The following CALN1 variants were observed in gnomAD, a reference collection of about 807,000 sequenced individuals.
The protein encoded by CALN1 is calneuron 1.
A neutral mutation model predicts 30.6 loss-of-function variants in CALN1; 17 were observed. That is an observed-to-expected ratio of 0.56 (90% CI 0.38 to 0.83). The LOEUF (loss-of-function observed/expected upper bound fraction) is 0.83, where lower values mean the gene tolerates loss of function less well. Among genes scored for constraint, CALN1 ranks in the 40% least tolerant of loss-of-function variants. CALN1 has a pLI of 0.00. For synonymous variants in CALN1, 156 were observed against 131.4 expected (o/e 1.19, Z -1.28); for missense variants, 291 against 354.9 (o/e 0.82, Z 1.45).
intron 3 of CALN1, among the ~76,000 whole-genome samples, chr7:72,210,853 C>T (rs1281943070): frequency 6.6e-6 from 1 of 151,508 alleles, no homozygotes. Flanking sequence ...GAGTTCAAGA[C>T]CAGCCTGGGA....
At position 72,140,278 on chromosome 7, in the gene CALN1, G is replaced by C. The variant is rs62462823; in HGVS notation, c.245-33984C>G. On this transcript the variant is annotated intron_variant, in intron 3 of 6. Transcript: ENST00000395275. ...AGAGTGAGACCTTGTCTCAAAATAA[G>C]AGAGAGAGAGAGAGAGAGAGAGAGA... Among the ~76,000 whole-genome samples the C allele has an allele frequency of 8.0e-3, 217 of 27,054 alleles. 1 individual carries two copies. The highest frequency in any genetic ancestry group is 0.038 in the African/African-American group (206 of 5,450). The allele number at this position is 27,054 out of a possible 152,430, so 17.7% of individuals were successfully genotyped here.
chr7:72,341,766 G>A (rs1282187711), intron 2 of CALN1, among the ~76,000 whole-genome samples: 2 of 152,174 alleles, frequency 1.3e-5, no homozygotes, highest in Non-Finnish European at 2.9e-5. Flanking sequence ...AAGGCTTTGA[G>A]AAAATTAAAT....
chr7:72,155,808 G>C (rs1401966387), intron 3 of CALN1, among the ~76,000 whole-genome samples: 4 of 152,144 alleles, frequency 2.6e-5, no homozygotes, highest in South Asian at 2.1e-4. Context: ...CTCAAAGCAA[G>C]GTGGTAGCTG....
chr7:71,963,272 C>T (rs1797345634), intron 5 of CALN1, among the ~76,000 whole-genome samples: 1 of 152,160 alleles, frequency 6.6e-6, no homozygotes, highest in Non-Finnish European at 1.5e-5. Flanking sequence ...AAGCGATTCT[C>T]CTGCCTCAGC....
At chr7:72,268,898 A>G (rs1480456538) in intron 3 of CALN1, among the ~76,000 whole-genome samples, 2 of 152,144 alleles carry the variant, frequency 1.3e-5, no homozygotes, top group African/African-American at 2.4e-5. Context: ...ACCATGTGCC[A>G]TAAGCCAGGC....
chr7:72,051,078 T>A (rs1802807189), intron 4 of CALN1, among the ~76,000 whole-genome samples: 1 of 151,640 alleles, frequency 6.6e-6, no homozygotes, highest in African/African-American at 2.4e-5. Context: ...AAAACATTTT[T>A]AAAACTTTAG....
At chr7:71,946,367 C>CT (rs34207419) in intron 5 of CALN1, among the ~76,000 whole-genome samples, 23,455 of 128,636 alleles carry the variant, frequency 0.18, 2,255 homozygotes, top group Middle Eastern at 0.22. Flanking sequence ...TTCTTTCTTT[C>CT]TTTTTTTTTT....
intron 2 of CALN1, among the ~76,000 whole-genome samples, chr7:72,368,099 C>T (rs1416103198): frequency 2.0e-5 from 3 of 151,654 alleles, no homozygotes; most frequent in Admixed American, 6.6e-5. Context: ...CCAGCATGGG[C>T]GACAAAGCGA....
At chr7:71,863,487 G>A (rs1290521564) in intron 5 of CALN1, among the ~76,000 whole-genome samples, 1 of 146,724 alleles carries the variant, frequency 6.8e-6, no homozygotes, top group Admixed American at 7.0e-5. Context: ...GAACCTGGGA[G>A]GCAGGGATTA....
At chr7:72,388,788 G>A (rs1200704635) in intron 2 of CALN1, among the ~76,000 whole-genome samples, 1 of 152,218 alleles carries the variant, frequency 6.6e-6, no homozygotes, top group Non-Finnish European at 1.5e-5. Context: ...CCAGGGGGAT[G>A]TGTCTTGTCA....
chr7:72,101,529 G>T (rs1806666759), intron 4 of CALN1, among the ~76,000 whole-genome samples: 1 of 152,142 alleles, frequency 6.6e-6, no homozygotes, highest in Non-Finnish European at 1.5e-5. Context: ...AGAACAAGCT[G>T]AGAACCGCTC....
chr7:72,189,160 A>G (rs1585124049), intron 3 of CALN1, among the ~76,000 whole-genome samples: 1 of 152,216 alleles, frequency 6.6e-6, no homozygotes, highest in East Asian at 1.9e-4. Flanking sequence ...GGGTGAACAT[A>G]GCCATGGCTG....
chr7:72,062,569 C>T (rs1584863012), intron 4 of CALN1, among the ~76,000 whole-genome samples: 1 of 146,078 alleles, frequency 6.8e-6, no homozygotes, highest in East Asian at 2.0e-4. Flanking sequence ...CAGAAGGGAA[C>T]TTAGAACATA....
chr7:72,308,014 A>G (rs1799766407), intron 2 of CALN1, among the ~76,000 whole-genome samples: 1 of 152,198 alleles, frequency 6.6e-6, no homozygotes, highest in Admixed American at 6.5e-5. Context: ...GAAATCTGCT[A>G]CAAGAAATCA....
chr7:72,205,464 A>G (rs1791758355), intron 3 of CALN1, among the ~76,000 whole-genome samples: 1 of 148,994 alleles, frequency 6.7e-6, no homozygotes. Flanking sequence ...TGGCCTTTCA[A>G]ACTGCTGGGA....
chr7:72,109,027 GGCTTCTTTTCTGAGCGGTAA>G (rs1249789230), intron 3 of CALN1, among the ~76,000 whole-genome samples: 2 of 152,064 alleles, frequency 1.3e-5, no homozygotes, highest in African/African-American at 2.4e-5. Flanking sequence ...TACTACCATT[GGCTTCTTTTCTGAGCGGTAA>G]GCACCTCCTA....
intron 5 of CALN1, among the ~76,000 whole-genome samples, chr7:71,908,294 C>T (rs990179204): frequency 1.3e-5 from 2 of 152,186 alleles, no homozygotes; most frequent in South Asian, 2.1e-4. Context: ...TATGCTTACA[C>T]TATATAATTC....
At chr7:71,971,811 T>G (rs1797815792) in intron 5 of CALN1, among the ~76,000 whole-genome samples, 1 of 149,664 alleles carries the variant, frequency 6.7e-6, no homozygotes, top group African/African-American at 2.5e-5. Context: ...GATGGGAGGA[T>G]CACCAGAGCC....
intron 5 of CALN1, among the ~76,000 whole-genome samples, chr7:71,906,315 T>C (rs948430891): frequency 4.6e-5 from 7 of 151,974 alleles, no homozygotes; most frequent in Non-Finnish European, 1.0e-4. Context: ...AATTTAGAGG[T>C]AGACCACGTA....
Sources: gnomAD v4.1 joint callset for allele counts (sites outside exome capture counted in the v4.1 genomes callset) on GRCh38, gnomAD v4.1.1 for gene constraint, MANE v1.5 for transcripts, NCBI Gene and HGNC (gene_info 2026-07-23, HGNC 2026-07-21) for gene names.